Variants in HDAC9 observed in about 807,000 individuals in gnomAD.
The protein encoded by HDAC9 is histone deacetylase 9, also known as MEF-2 interacting transcription repressor (MITR) protein.
Under a neutral mutation model 139.4 loss-of-function variants are expected in HDAC9, and 41 were observed. The observed-to-expected ratio is 0.29, with a 90% confidence interval of 0.23 to 0.38. The LOEUF (loss-of-function observed/expected upper bound fraction) is 0.38. Ranked by LOEUF, HDAC9 falls within the 10% of genes least tolerant of loss-of-function variation. HDAC9 has a pLI of 1.00. For synonymous variants in HDAC9, 517 were observed against 476.2 expected (o/e 1.09, Z -1.12); for missense variants, 1,147 against 1,297.0 (o/e 0.88, Z 1.78).
chr7:18,609,487 C>G lies in HDAC9; in HGVS notation c.664+15458C>G, dbSNP rs1248923478. On this transcript the variant is annotated intron_variant, in intron 6 of 25. Coordinates refer to ENST00000686413, the MANE Select transcript of HDAC9 (RefSeq NM_178425.4). Reference sequence around the variant, plus strand: ...GGTGAAACCGTTTCGGTGTCCAAGACAGAGTTCACTAATCAGTCACAGCAA... The same window carrying G: ...GGTGAAACCGTTTCGGTGTCCAAGAGAGAGTTCACTAATCAGTCACAGCAA... 2.0e-5 allele frequency among the ~76,000 whole-genome samples: 3 copies of G among 152,254 alleles called. No individual in the cohort carries two copies. In the East Asian group the frequency reaches 5.8e-4, roughly 29 times the overall value.
chr7:18,417,093 T>C (rs922520925), intron 1 of HDAC9, among the ~76,000 whole-genome samples: 1 of 152,202 alleles, frequency 6.6e-6, no homozygotes, highest in African/African-American at 2.4e-5. Flanking sequence ...TGCCTAAAGC[T>C]ATCCCAGGGC....
intron 22 of HDAC9, among the ~76,000 whole-genome samples, chr7:18,884,874 A>G (rs1050550086): frequency 6.6e-6 from 1 of 152,154 alleles, no homozygotes; most frequent in Non-Finnish European, 1.5e-5. Flanking sequence ...CCCACACAAC[A>G]AATCTCTCCT....
intron 2 of HDAC9, among the ~76,000 whole-genome samples, chr7:18,271,626 C>G (rs575371336): frequency 2.0e-5 from 3 of 152,246 alleles, no homozygotes; most frequent in Admixed American, 1.3e-4. Flanking sequence ...TTTTTTCACC[C>G]GAATTCCTAC....
At position 18,568,024 on chromosome 7, in the gene HDAC9, A is replaced by G. The variant is rs1435142236; in HGVS notation, c.23-17257A>G. ...GTTTATACATACAGGATATATGTAT[A>G]TGTATATATATATATATATATATAT... On this transcript the variant is annotated intron_variant, in intron 2 of 25. Transcript: ENST00000686413. Among the ~76,000 whole-genome samples the G allele has an allele frequency of 1.2e-4, 9 of 75,524 alleles. 1 individual carries two copies. Among genetic ancestry groups the G allele is most frequent in the African/African-American group, 4.5e-4 (9 of 19,818 alleles). 49.5% of individuals were successfully genotyped at this position (75,524 alleles called of 152,430 possible).
At chr7:18,594,156 C>T (rs191673304) in intron 6 of HDAC9, 127 bp downstream of exon 6, 4 of 848,056 alleles carry the variant, frequency 4.7e-6, no homozygotes, top group Admixed American at 5.0e-5. Flanking sequence ...ACCCCTGCCC[C>T]CAGCATAAGC....
intron 1 of HDAC9, among the ~76,000 whole-genome samples, chr7:18,484,999 A>G (rs1795869232): frequency 1.3e-5 from 2 of 152,200 alleles, no homozygotes; most frequent in Admixed American, 1.3e-4. Flanking sequence ...AAAATAAGAC[A>G]ACAGTCCCTG....
intron 12 of HDAC9, among the ~76,000 whole-genome samples, chr7:18,709,549 A>C (rs921795927): frequency 1.2e-4 from 18 of 152,204 alleles, no homozygotes; most frequent in Admixed American, 1.1e-3. Flanking sequence ...TAAAATTTAG[A>C]AACATATCTC....
chr7:18,163,224 A>G (rs1287609412), intron 2 of HDAC9, among the ~76,000 whole-genome samples: 1 of 152,108 alleles, frequency 6.6e-6, no homozygotes, highest in Non-Finnish European at 1.5e-5. Context: ...TGTTTCATCA[A>G]CCTTTCCCCA....
At chr7:18,910,496 G>A (rs1802645687) in intron 22 of HDAC9, among the ~76,000 whole-genome samples, 1 of 151,934 alleles carries the variant, frequency 6.6e-6, no homozygotes, top group Admixed American at 6.6e-5. Flanking sequence ...CAAGCAGGGA[G>A]TTTGACTTTC....
chr7:18,363,443 C>T (rs1243989148), intron 1 of HDAC9, among the ~76,000 whole-genome samples: 1 of 151,838 alleles, frequency 6.6e-6, no homozygotes, highest in African/African-American at 2.4e-5. Flanking sequence ...CCTAGATTCG[C>T]AAAGAAAAAA....
intron 6 of HDAC9, among the ~76,000 whole-genome samples, chr7:18,600,991 A>G (rs1185758412): frequency 6.6e-6 from 1 of 152,100 alleles, no homozygotes; most frequent in African/African-American, 2.4e-5. Context: ...TTTCGTAGAG[A>G]TGGAGTTTTG....
At chr7:18,938,003 G>A (rs1563071675) in intron 23 of HDAC9, among the ~76,000 whole-genome samples, 1 of 152,114 alleles carries the variant, frequency 6.6e-6, no homozygotes, top group Admixed American at 6.5e-5. Flanking sequence ...GGAGTTACAT[G>A]TTTTTCTTAA....
rs2129355870 is a variant in HDAC9, at chr7:18,997,713, A to T, written c.*1651A>T. Reference sequence around the variant, plus strand: ...AGAGAGGACTCTAACCTGTAAATCAAAGATGAAAGATTTCACTCAAGTAGA... The same window carrying T: ...AGAGAGGACTCTAACCTGTAAATCATAGATGAAAGATTTCACTCAAGTAGA... On this transcript the variant is annotated 3_prime_UTR_variant, in exon 26 of 26. Coordinates refer to ENST00000686413, the MANE Select transcript of HDAC9 (RefSeq NM_178425.4). The T allele has an allele frequency of 6.6e-6, 1 of 152,312 alleles. No individual in the cohort carries two copies. Among genetic ancestry groups the T allele is most frequent in the Non-Finnish European group, 1.5e-5 (1 of 67,998 alleles). The allele number at this position is 152,312 out of a possible 1,614,324, so 9.4% of individuals were successfully genotyped here.
intron 2 of HDAC9, among the ~76,000 whole-genome samples, chr7:18,253,815 A>G (rs1325105124): frequency 6.6e-6 from 1 of 152,160 alleles, no homozygotes; most frequent in East Asian, 1.9e-4. Flanking sequence ...CCTGGAAACA[A>G]GGGAGGAAGA....
intron 2 of HDAC9, among the ~76,000 whole-genome samples, chr7:18,189,912 TTG>T (rs72166137): frequency 0.21 from 30,371 of 145,112 alleles, 3,673 homozygotes; most frequent in African/African-American, 0.37. Context: ...TGTAAATAAC[TTG>T]TGTGTGGTGT....
chr7:18,855,257 C>A (rs1157145088), intron 21 of HDAC9, among the ~76,000 whole-genome samples: 1 of 152,046 alleles, frequency 6.6e-6, no homozygotes, highest in African/African-American at 2.4e-5. Flanking sequence ...AAATATACAC[C>A]CCCTAAAGAT....
At chr7:18,453,584 A>G (rs922485720) in intron 1 of HDAC9, among the ~76,000 whole-genome samples, 7 of 152,194 alleles carry the variant, frequency 4.6e-5, no homozygotes, top group Non-Finnish European at 7.3e-5. Flanking sequence ...TTGTGGTGAC[A>G]CAAGTGCCAC....
intron 2 of HDAC9, among the ~76,000 whole-genome samples, chr7:18,194,324 C>T (rs1241386297): frequency 6.6e-5 from 10 of 152,062 alleles, no homozygotes; most frequent in Non-Finnish European, 1.5e-4. Flanking sequence ...TTCTTTTAGA[C>T]TATTCTGTTT....
chr7:18,183,367 C>G (rs1273682223), intron 2 of HDAC9, among the ~76,000 whole-genome samples: 3 of 152,276 alleles, frequency 2.0e-5, no homozygotes, highest in South Asian at 2.1e-4. Context: ...GAACCAATCC[C>G]TCAATCGTGA....
Sources: gnomAD v4.1 joint callset for allele counts (sites outside exome capture counted in the v4.1 genomes callset) on GRCh38, gnomAD v4.1.1 for gene constraint, MANE v1.5 for transcripts, NCBI Gene and HGNC (gene_info 2026-07-23, HGNC 2026-07-21) for gene names.